Variants in CSNK1G3 observed in about 807,000 individuals in gnomAD.
The protein encoded by CSNK1G3 is casein kinase I isoform gamma-3.
CSNK1G3 carries 23 observed loss-of-function variants against 64.3 expected under a neutral mutation model. The observed-to-expected ratio is 0.36, with a 90% CI of 0.26 to 0.51. The LOEUF is 0.51. Ranked by LOEUF, CSNK1G3 falls within the 20% of genes least tolerant of loss-of-function variation. The pLI, the probability that CSNK1G3 is intolerant of heterozygous loss-of-function variation, is 0.96. For missense variants in CSNK1G3, 357 were observed against 510.5 expected (o/e 0.70, Z 2.90); for synonymous variants, 158 against 162.2 (o/e 0.97, Z 0.20).
chr5:123,578,202 A>G (rs943189811), intron 6 of CSNK1G3, among the ~76,000 whole-genome samples: 9 of 151,932 alleles, frequency 5.9e-5, no homozygotes, highest in Admixed American at 2.6e-4. Flanking sequence ...GTTTGGTCCT[A>G]TGGCAGGTAT....
chr5:123,575,239 A>G lies in CSNK1G3; in HGVS notation c.439-490A>G, dbSNP rs144870548. ...TAATACCTAGGAAAAAGTAAAGGAAACATGTTATGAAAAAGAAAAAGATAC... is the reference window on the plus strand; with the variant it reads ...TAATACCTAGGAAAAAGTAAAGGAAGCATGTTATGAAAAAGAAAAAGATAC... On this transcript the variant is annotated intron_variant, in intron 5 of 12. Coordinates refer to ENST00000345990, the Ensembl canonical transcript of CSNK1G3. 2.4e-3 allele frequency among the ~76,000 whole-genome samples: 373 copies of G among 152,342 alleles called. 4 individuals carry two copies. Among genetic ancestry groups the G allele is most frequent in the African/African-American group, 8.4e-3 (348 of 41,582 alleles).
intron 12 of CSNK1G3, among the ~76,000 whole-genome samples, chr5:123,613,722 A>G (rs181374937): frequency 1.9e-3 from 282 of 152,204 alleles, no homozygotes; most frequent in African/African-American, 6.7e-3. Context: ...TTTTTTGCAT[A>G]TACAGTTTTG....
At chr5:123,518,776 A>T (rs976336296) in intron 1 of CSNK1G3, among the ~76,000 whole-genome samples, 5 of 151,644 alleles carry the variant, frequency 3.3e-5, no homozygotes, top group Admixed American at 2.0e-4. Flanking sequence ...AGGATATTTT[A>T]AAAAAATTGT....
intron 6 of CSNK1G3, among the ~76,000 whole-genome samples, chr5:123,577,200 C>T (rs1257101136): frequency 6.6e-6 from 1 of 151,998 alleles, no homozygotes; most frequent in Non-Finnish European, 1.5e-5. Flanking sequence ...AGTTTCTCTT[C>T]TGCAGCCCCA....
At chr5:123,577,984 T>C (rs1350303948) in intron 6 of CSNK1G3, among the ~76,000 whole-genome samples, 1 of 151,964 alleles carries the variant, frequency 6.6e-6, no homozygotes, top group Non-Finnish European at 1.5e-5. Flanking sequence ...CAACTTCTTT[T>C]GGTGGGTATA....
Position 123,599,067 on chromosome 5 carries a change from A to G in CSNK1G3, c.1087-5657A>G, listed in dbSNP as rs191113158. ...TTAAAATATACCACTGACAACAGAT[A>G]GTAGTAATCTCTAATTCCATTTTAG... On this transcript the variant is annotated intron_variant, in intron 10 of 12. Coordinates refer to ENST00000345990, the Ensembl canonical transcript of CSNK1G3. Among the ~76,000 whole-genome samples, 235 of 152,314 alleles carry G rather than the reference A, an allele frequency of 1.5e-3. 2 individuals are homozygous for G. Among genetic ancestry groups the G allele is most frequent in the African/African-American group, 5.5e-3 (229 of 41,582 alleles).
At chr5:123,589,512 AG>A (rs1425517816) in intron 8 of CSNK1G3, among the ~76,000 whole-genome samples, 1 of 152,100 alleles carries the variant, frequency 6.6e-6, no homozygotes. Flanking sequence ...CACCTAAAGA[AG>A]GTCACTGCAC....
chr5:123,604,675 A>G, intron 10 of CSNK1G3, 49 bp from the exon 12 acceptor site: 1 of 894,702 alleles, frequency 1.1e-6, no homozygotes, highest in Non-Finnish European at 1.8e-6. Flanking sequence ...TATATTTATG[A>G]GCATGTGTGT....
chr5:123,592,834 T>C (rs1473255554), intron 10 of CSNK1G3, among the ~76,000 whole-genome samples: 2 of 151,824 alleles, frequency 1.3e-5, no homozygotes, highest in African/African-American at 2.4e-5. Context: ...CATACATAAA[T>C]TACTTCATAT....
intron 12 of CSNK1G3, among the ~76,000 whole-genome samples, chr5:123,612,833 G>A (rs997250475): frequency 6.6e-6 from 1 of 151,996 alleles, no homozygotes; most frequent in East Asian, 1.9e-4. Context: ...CTTTATAAGG[G>A]CATATTATAC....
intron 6 of CSNK1G3, among the ~76,000 whole-genome samples, chr5:123,579,423 G>T (rs1481028178): frequency 1.3e-5 from 2 of 151,584 alleles, no homozygotes; most frequent in African/African-American, 4.8e-5. Flanking sequence ...AATATGATTG[G>T]GTAGCTATAC....
At chr5:123,594,324 A>G (rs960459156) in intron 10 of CSNK1G3, among the ~76,000 whole-genome samples, 2 of 152,116 alleles carry the variant, frequency 1.3e-5, no homozygotes, top group African/African-American at 4.8e-5. Context: ...TTGCCAAGGG[A>G]TCTAAAAACA....
At chr5:123,515,127 A>G (rs1330190365) in intron 1 of CSNK1G3, among the ~76,000 whole-genome samples, 5 of 152,194 alleles carry the variant, frequency 3.3e-5, no homozygotes, top group Admixed American at 2.0e-4. Context: ...TTGGTTATAC[A>G]TGAAATCAAT....
At chr5:123,583,183 G>T (rs1790641110) in intron 6 of CSNK1G3, among the ~76,000 whole-genome samples, 1 of 152,042 alleles carries the variant, frequency 6.6e-6, no homozygotes, top group South Asian at 2.1e-4. Context: ...GTAGGGCTCA[G>T]CATACTTTTA....
intron 4 of CSNK1G3, among the ~76,000 whole-genome samples, chr5:123,559,311 G>A (rs1785223838): frequency 6.6e-6 from 1 of 152,080 alleles, no homozygotes; most frequent in South Asian, 2.1e-4. Context: ...GGAAGAATAG[G>A]ATTGAGTGGT....
At chr5:123,587,042 A>T (rs562987152) in intron 6 of CSNK1G3, among the ~76,000 whole-genome samples, 1 of 152,152 alleles carries the variant, frequency 6.6e-6, no homozygotes, top group African/African-American at 2.4e-5. Context: ...CCATGATTCA[A>T]TTACCTCCCA....
At chr5:123,522,989 A>G (rs925759234) in intron 1 of CSNK1G3, among the ~76,000 whole-genome samples, 1 of 152,188 alleles carries the variant, frequency 6.6e-6, no homozygotes, top group Non-Finnish European at 1.5e-5. Context: ...TGATATCTCT[A>G]AAGTTATTAT....
intron 4 of CSNK1G3, among the ~76,000 whole-genome samples, chr5:123,566,462 GA>G (rs1222203177): frequency 6.6e-6 from 1 of 152,080 alleles, no homozygotes; most frequent in Non-Finnish European, 1.5e-5. Flanking sequence ...TTTTATAATT[GA>G]AAATTCACCA....
intron 2 of CSNK1G3, among the ~76,000 whole-genome samples, chr5:123,551,977 C>T (rs1783753584): frequency 6.6e-6 from 1 of 152,104 alleles, no homozygotes; most frequent in Non-Finnish European, 1.5e-5. Context: ...TAGTACTCTA[C>T]TTTGACTACA....
Sources: gnomAD v4.1 joint callset for allele counts (sites outside exome capture counted in the v4.1 genomes callset) on GRCh38, gnomAD v4.1.1 for gene constraint, MANE v1.5 for transcripts, NCBI Gene and HGNC (gene_info 2026-07-23, HGNC 2026-07-21) for gene names.